NFATC1: variants seen among roughly 807,000 people sequenced by gnomAD.
The protein encoded by NFATC1 is nuclear factor of activated T-cells, cytoplasmic 1.
Under a neutral mutation model 76.0 loss-of-function variants are expected in NFATC1, and 22 were observed. The observed-to-expected ratio is 0.29, with a 90% CI of 0.21 to 0.41. NFATC1 has a LOEUF of 0.41. Ranked by LOEUF, NFATC1 falls within the 10% of genes least tolerant of loss-of-function variation. The pLI is 1.00. For missense variants in NFATC1, 1,357 were observed against 1,337.7 expected (o/e 1.01, Z -0.23); for synonymous variants, 704 against 613.1 (o/e 1.15, Z -2.19).
chr18:79,482,731 C>G (rs1389229320), intron 8 of NFATC1, among the ~76,000 whole-genome samples: 19 of 89,080 alleles, frequency 2.1e-4, no homozygotes, highest in Admixed American at 5.5e-4. Flanking sequence ...GCGTGACCTG[C>G]TCCTGAGGTG....
rs766854798 is a variant in NFATC1, at chr18:79,433,700, G to T, written c.1348G>T (p.Ala450Ser). The T allele has an allele frequency of 1.2e-6, 2 of 1,613,178 alleles. No homozygotes were observed. The highest frequency in any genetic ancestry group is 8.5e-7 in the Non-Finnish European group (1 of 1,179,924). The change falls in exon 3 of 10, where the codon GCC (alanine) becomes TCC (serine). Residue 450 changes from alanine (A) to serine (S), a missense_variant. Transcript: ENST00000427363. ...AHYETEGSRG[A>S]VKASAGGHPI... ...CTACGAGACGGAGGGCAGCCGGGGG[G>T]CCGTGAAGGCGTCGGCCGGAGGACA...
At chr18:79,397,994 T>C (rs2085063297) in intron 1 of NFATC1, among the ~76,000 whole-genome samples, 1 of 152,122 alleles carries the variant, frequency 6.6e-6, no homozygotes, top group African/African-American at 2.4e-5. Context: ...GCCGGCAGCA[T>C]GGGGACACGC....
chr18:79,427,126 G>T (rs1400703905), intron 2 of NFATC1, among the ~76,000 whole-genome samples: 1 of 152,222 alleles, frequency 6.6e-6, no homozygotes, highest in Non-Finnish European at 1.5e-5. Context: ...CTTGGCAGGG[G>T]GGCCCGGGGC....
At chr18:79,454,773 G>T (rs777004730) in intron 6 of NFATC1, among the ~76,000 whole-genome samples, 1 of 152,202 alleles carries the variant, frequency 6.6e-6, no homozygotes, top group Non-Finnish European at 1.5e-5. Context: ...AGGGCCGGGT[G>T]TTGGTTTAGA....
At chr18:79,505,577 G>A (rs1204840477) in intron 9 of NFATC1, among the ~76,000 whole-genome samples, 1 of 119,540 alleles carries the variant, frequency 8.4e-6, no homozygotes. Context: ...CTGTGTGGGA[G>A]GAGGTGGTGG....
chr18:79,410,610 C>T lies in NFATC1; in HGVS notation c.335C>T (p.Ala112Val). 4 of 1,612,874 alleles carry T rather than the reference C, an allele frequency of 2.5e-6. No homozygotes were observed. In the African/African-American group the frequency reaches 5.3e-5, roughly 21 times the overall value. Residue 112 changes from alanine (A) to valine (V), a missense_variant, in exon 2 of 10, where the codon GCC becomes GTC. Ala to Val is a moderately conservative substitution (Grantham distance 64). Transcript: ENST00000427363. The surrounding 1 kb of genome is among the most constrained non-coding windows in gnomAD (Gnocchi z 6.7). ...TCCGGCCACACCAGGCCTGATGGGG[C>T]CCCTGCCCTGGAGAGTCCTCGCATC... is the stretch of plus-strand genomic sequence containing the variant. ...LSSGHTRPDG[A>V]PALESPRIEI...
At chr18:79,411,796 T>G (rs1457254868) in intron 2 of NFATC1, among the ~76,000 whole-genome samples, 2 of 152,240 alleles carry the variant, frequency 1.3e-5, no homozygotes, top group East Asian at 1.9e-4. Flanking sequence ...GCTCAGTCTC[T>G]GCAAACACCC....
In NFATC1 at chr18:79,495,491, C is replaced by T. The variant is rs190749725; in HGVS notation, c.2782+8554C>T. 1.8e-4 allele frequency among the ~76,000 whole-genome samples: 28 copies of T among 152,226 alleles called. No homozygotes were observed. In the East Asian group the frequency reaches 3.5e-3, roughly 19 times the overall value. ...AAAAGTGGGTCTTAGCTTGTTTCGG[C>T]GTTAAGTGGAGAGCTGTCTAAAATT... is the stretch of plus-strand genomic sequence containing the variant. On this transcript the variant is annotated intron_variant, in intron 9 of 9. Coordinates refer to ENST00000427363, the MANE Select transcript of NFATC1 (RefSeq NM_001278669.2).
In NFATC1 at chr18:79,411,129, C is replaced by G. The variant is rs371345641; in HGVS notation, c.854C>G (p.Pro285Arg). ...TACTCACCCCACCACTCGCCCACGC[C>G]GTCCCCGCACGGCTCCCCGCGGGTC... ...PPYSPHHSPTPSPHGSPRVSV... is the reference protein window; with the variant it reads ...PPYSPHHSPTRSPHGSPRVSV... The change falls in exon 2 of 10, where the codon CCG becomes CGG. Residue 285 changes from proline (P) to arginine (R), a missense_variant. By Grantham distance (103) the Pro-to-Arg change is moderately radical. Transcript: ENST00000427363. 1.2e-6 allele frequency: 2 copies of G among 1,612,354 alleles called. No individual in the cohort carries two copies.
At chr18:79,487,811 G>A (rs766477743) in intron 9 of NFATC1, among the ~76,000 whole-genome samples, 1 of 151,972 alleles carries the variant, frequency 6.6e-6, no homozygotes, top group African/African-American at 2.4e-5. Context: ...TGCGGTTTGT[G>A]TGCGCGTTGT....
At chr18:79,446,487 G>A (rs946152172) in intron 3 of NFATC1, among the ~76,000 whole-genome samples, 3 of 152,130 alleles carry the variant, frequency 2.0e-5, no homozygotes, top group African/African-American at 7.2e-5. Flanking sequence ...ATGGAATACT[G>A]CGTGGCAGAA....
chr18:79,440,906 G>C (rs2086948917), intron 3 of NFATC1, among the ~76,000 whole-genome samples: 1 of 152,360 alleles, frequency 6.6e-6, no homozygotes, highest in East Asian at 1.9e-4. Flanking sequence ...GCCCTGCCCA[G>C]GCCAGACGTG....
chr18:79,416,401 T>G (rs2085876772), intron 2 of NFATC1, among the ~76,000 whole-genome samples: 2 of 152,130 alleles, frequency 1.3e-5, no homozygotes, highest in African/African-American at 4.8e-5. Flanking sequence ...CCCGGCAGTG[T>G]TGGGGGAACA....
chr18:79,507,489 C>T (rs553019475), intron 9 of NFATC1, among the ~76,000 whole-genome samples: 2 of 152,350 alleles, frequency 1.3e-5, no homozygotes, highest in South Asian at 4.1e-4. Flanking sequence ...GAGCCCCTGC[C>T]CTCCGGGGCA....
Position 79,529,083 on chromosome 18 carries a change from G to C in NFATC1, c.*1506G>C, listed in dbSNP as rs1229444684. 1 of 152,344 alleles carries C rather than the reference G, an allele frequency of 6.6e-6. No homozygotes were observed. The highest frequency in any genetic ancestry group is 1.9e-4 in the East Asian group (1 of 5,198). 9.4% of individuals were successfully genotyped at this position (152,344 alleles called of 1,614,324 possible). A position where few individuals can be genotyped will look rare whatever the true frequency, so the allele number is the denominator to read the frequency against. The stretch of plus-strand genomic sequence containing the variant: ...CTGTACCGTGCGCTCCGGCACAATC[G>C]CGTCTCTTGTGTCTCACTCACGGAA... On this transcript the variant is annotated 3_prime_UTR_variant, in exon 10 of 10. Transcript: ENST00000427363.
Position 79,407,134 on chromosome 18 carries a change from A to T in NFATC1, c.128-3269A>T, listed in dbSNP as rs181836313. On this transcript the variant is annotated intron_variant, in intron 1 of 9. Coordinates refer to ENST00000427363, the MANE Select transcript of NFATC1 (RefSeq NM_001278669.2). ...ACTTCAGATTCTCCTCGGAAACCTC[A>T]CCTTCTCCCGGAAGCTGCTTTCCAG... Among the ~76,000 whole-genome samples the T allele has an allele frequency of 2.0e-5, 3 of 152,344 alleles. No individual in the cohort carries two copies. The East Asian group carries it at 5.8e-4, about 29-fold the overall frequency.
chr18:79,487,047 G>C, intron 9 of NFATC1, 110 bp downstream of exon 9: 4 of 1,270,276 alleles, frequency 3.1e-6, no homozygotes, highest in Non-Finnish European at 4.3e-6. Flanking sequence ...GTGCACCGAG[G>C]CACCGGGCAG....
In NFATC1 at chr18:79,413,285, C is replaced by G. The variant is rs533521974; in HGVS notation, c.1226+1784C>G. On this transcript the variant is annotated intron_variant, in intron 2 of 9. Coordinates refer to ENST00000427363, the MANE Select transcript of NFATC1 (RefSeq NM_001278669.2). ...TTGGGTGAACCCCACGTATTTGTTT[C>G]CTGGGGCTGCCCTGACAAGGTCCCG... 1.0e-3 allele frequency among the ~76,000 whole-genome samples: 155 copies of G among 152,306 alleles called. 1 individual carries two copies. Among genetic ancestry groups the G allele is most frequent in the African/African-American group, 3.7e-3 (154 of 41,564 alleles).
rs2145257143 is a variant in NFATC1, at chr18:79,527,987, G to A, written c.*410G>A. ...AGAATTGAGCATTGAATTTGCTACT[G>A]TAGGAGTATTTTTAGGAGCAGAAAC... On this transcript the variant is annotated 3_prime_UTR_variant, in exon 10 of 10. Coordinates refer to ENST00000427363, the MANE Select transcript of NFATC1 (RefSeq NM_001278669.2). The A allele has an allele frequency of 4.9e-6, 2 of 409,226 alleles. No homozygotes were observed. Among genetic ancestry groups the A allele is most frequent in the African/African-American group, 2.0e-5 (1 of 49,284 alleles). The allele number at this position is 409,226 out of a possible 1,614,324, so 25.3% of individuals were successfully genotyped here.
Sources: gnomAD v4.1 joint callset for allele counts (sites outside exome capture counted in the v4.1 genomes callset) on GRCh38, gnomAD v4.1.1 for gene constraint, Gnocchi (gnomAD v3.1) non-coding constraint, MANE v1.5 for transcripts, NCBI Gene and HGNC (gene_info 2026-07-23, HGNC 2026-07-21) for gene names.